Variants in TMEM132C observed in about 807,000 individuals in gnomAD.
TMEM132C encodes protein phosphatase 1, regulatory subunit 152.
Under a neutral mutation model 61.4 loss-of-function variants are expected in TMEM132C, and 29 were observed. The ratio of observed to expected loss-of-function variants is 0.47; its 90% confidence interval spans 0.35 to 0.64. The LOEUF (loss-of-function observed/expected upper bound fraction) is 0.64, where lower values mean the gene tolerates loss of function less well. Among genes scored for constraint, TMEM132C ranks in the 30% least tolerant of loss-of-function variants. TMEM132C has a pLI of 0.00. For synonymous variants in TMEM132C, 656 were observed against 633.1 expected (o/e 1.04, Z -0.54); for missense variants, 1,408 against 1,476.9 (o/e 0.95, Z 0.76).
chr12:128,705,998 TCTC>T lies in TMEM132C; in HGVS notation c.3033_3035del (p.Leu1013del). ...CGGGGGCCTGCGAGGAGAGCAACCA[TCTC>T]CTGCTCAATGGTGGCTCCCACAAGC... On this transcript the variant is annotated inframe_deletion, in exon 9 of 9. Transcript: ENST00000435159. 6.4e-7 allele frequency: 1 copy of T among 1,551,402 alleles called. No individual in the cohort carries two copies. Among genetic ancestry groups the T allele is most frequent in the African/African-American group, 1.4e-5 (1 of 73,046 alleles).
chr12:128,530,779 C>T (rs1873267622), intron 2 of TMEM132C, among the ~76,000 whole-genome samples: 1 of 152,150 alleles, frequency 6.6e-6, no homozygotes, highest in Non-Finnish European at 1.5e-5. Context: ...TTTCCTCATT[C>T]CATGTAAATG....
At chr12:128,389,039 GAGAGACAAAGACC>G (rs371359052) in intron 1 of TMEM132C, among the ~76,000 whole-genome samples, 3,062 of 152,280 alleles carry the variant, frequency 0.02, 87 homozygotes, top group African/African-American at 0.069. Flanking sequence ...GTCCCCCTGG[GAGAGACAAAGACC>G]AGAGACCCTG....
In TMEM132C at chr12:128,318,478, C is replaced by T. The variant is rs11059643; in HGVS notation, c.85+50991C>T. On this transcript the variant is annotated intron_variant, in intron 1 of 8. Coordinates refer to ENST00000435159, the MANE Select transcript of TMEM132C (RefSeq NM_001136103.3). Reference sequence around the variant, plus strand: ...ATTTGACTTGCTAAAGGCTTTTGCACGAGAACAACAGGGGTCATTATGTGT... The same window carrying T: ...ATTTGACTTGCTAAAGGCTTTTGCATGAGAACAACAGGGGTCATTATGTGT... 4.4e-3 allele frequency among the ~76,000 whole-genome samples: 673 copies of T among 152,236 alleles called. 5 individuals are homozygous for T. The highest frequency in any genetic ancestry group is 7.8e-3 in the Non-Finnish European group (529 of 68,014).
chr12:128,305,724 A>G (rs1021028703), intron 1 of TMEM132C, among the ~76,000 whole-genome samples: 2 of 152,142 alleles, frequency 1.3e-5, no homozygotes, highest in African/African-American at 2.4e-5. Flanking sequence ...CAAATCGCCT[A>G]TTTTAAGAAG....
chr12:128,586,370 A>G (rs184767691), intron 3 of TMEM132C, among the ~76,000 whole-genome samples: 11 of 150,604 alleles, frequency 7.3e-5, no homozygotes, highest in African/African-American at 2.2e-4. Context: ...GCATCTATTA[A>G]TATATTGTGT....
chr12:128,467,789 G>A lies in TMEM132C; in HGVS notation c.974+52169G>A, dbSNP rs1018716546. Among the ~76,000 whole-genome samples the A allele has an allele frequency of 8.5e-5, 13 of 152,154 alleles. No individual in the cohort carries two copies. The East Asian group carries it at 9.6e-4, about 11-fold the overall frequency. ...GCCCTCTGTTCTTCTCAGCATTCTC[G>A]TTCCCCATCTGCAAAACAGGCACAA... On this transcript the variant is annotated intron_variant, in intron 2 of 8. Transcript: ENST00000435159.
chr12:128,625,142 C>G lies in TMEM132C; in HGVS notation c.1305+8807C>G, dbSNP rs568139974. Among the ~76,000 whole-genome samples, 13 of 152,340 alleles carry G rather than the reference C, an allele frequency of 8.5e-5. No homozygotes were observed. In the South Asian group the frequency reaches 2.5e-3, roughly 29 times the overall value. On this transcript the variant is annotated intron_variant, in intron 4 of 8. Transcript: ENST00000435159. Reference sequence around the variant, plus strand: ...TCTGAACTTGAATGGGAAAGTTACACCTGCATTTCCACTTAACCTCTAACT... The same window carrying G: ...TCTGAACTTGAATGGGAAAGTTACAGCTGCATTTCCACTTAACCTCTAACT...
intron 4 of TMEM132C, among the ~76,000 whole-genome samples, chr12:128,655,913 C>A (rs550687976): frequency 1.3e-5 from 2 of 152,140 alleles, no homozygotes; most frequent in African/African-American, 4.8e-5. Flanking sequence ...TGAGAATAAC[C>A]GAAAACCTTC....
chr12:128,489,562 C>CAT (rs10654008), intron 2 of TMEM132C, among the ~76,000 whole-genome samples: 16,105 of 138,270 alleles, frequency 0.12, 1,160 homozygotes, highest in African/African-American at 0.21. Context: ...TTTATATGCT[C>CAT]ATATATATAT....
intron 3 of TMEM132C, among the ~76,000 whole-genome samples, chr12:128,561,903 A>G (rs1423042639): frequency 6.6e-6 from 1 of 152,100 alleles, no homozygotes; most frequent in Non-Finnish European, 1.5e-5. Flanking sequence ...ATGATTCAAG[A>G]TGGTGTGCTA....
Position 128,706,418 on chromosome 12 carries a change from T to C in TMEM132C, c.*123T>C, listed in dbSNP as rs1330958180. 5 of 1,274,566 alleles carry C rather than the reference T, an allele frequency of 3.9e-6. No individual in the cohort carries two copies. In the Admixed American group the frequency reaches 9.5e-5, roughly 24 times the overall value. 79.0% of individuals were successfully genotyped at this position (1,274,566 alleles called of 1,614,324 possible). On this transcript the variant is annotated 3_prime_UTR_variant, in exon 9 of 9. Transcript: ENST00000435159. ...GGTCCCAGGGTCCATGCTAGACCAGTTGGAAAGTTTTGAAGTCAGGAAAAG... is the reference window on the plus strand; with the variant it reads ...GGTCCCAGGGTCCATGCTAGACCAGCTGGAAAGTTTTGAAGTCAGGAAAAG...
chr12:128,502,652 A>T (rs1038446672), intron 2 of TMEM132C, among the ~76,000 whole-genome samples: 1 of 152,208 alleles, frequency 6.6e-6, no homozygotes, highest in African/African-American at 2.4e-5. Context: ...GGAGAGGAAG[A>T]TTCACATAAG....
chr12:128,430,423 A>G (rs1869345422), intron 2 of TMEM132C, among the ~76,000 whole-genome samples: 1 of 152,208 alleles, frequency 6.6e-6, no homozygotes, highest in Non-Finnish European at 1.5e-5. Context: ...TGATTTGCAA[A>G]CATAATGAGA....
chr12:128,373,877 T>C lies in TMEM132C; in HGVS notation c.86-40855T>C, dbSNP rs564264910. On this transcript the variant is annotated intron_variant, in intron 1 of 8. Transcript: ENST00000435159. Reference sequence around the variant, plus strand: ...GCAGGGGCAAGGCCAGAGATGGCCTTGCGTGCTGCACTTCAGCTTAGATTC... The same window carrying C: ...GCAGGGGCAAGGCCAGAGATGGCCTCGCGTGCTGCACTTCAGCTTAGATTC... 7.9e-5 allele frequency among the ~76,000 whole-genome samples: 12 copies of C among 152,324 alleles called. No individual in the cohort carries two copies. In the South Asian group the frequency reaches 2.5e-3, roughly 32 times the overall value.
chr12:128,543,930 C>G (rs1873851423), intron 2 of TMEM132C, 27 bp from the exon 3 acceptor site: 2 of 1,541,364 alleles, frequency 1.3e-6, no homozygotes, highest in East Asian at 5.0e-5. Context: ...CCCTGTCTCT[C>G]TCTCTCTCCC....
In TMEM132C at chr12:128,356,397, T is replaced by A. The variant is rs570322416; in HGVS notation, c.86-58335T>A. ...ACCTATTCTCTGTCTCCTAAAGAGT[T>A]GAATTTGCATCAATAAAACGCGTCG... On this transcript the variant is annotated intron_variant, in intron 1 of 8. Transcript: ENST00000435159. 8.5e-5 allele frequency among the ~76,000 whole-genome samples: 13 copies of A among 152,308 alleles called. No individual in the cohort carries two copies. The East Asian group carries it at 2.5e-3, about 29-fold the overall frequency.
intron 1 of TMEM132C, among the ~76,000 whole-genome samples, chr12:128,353,463 C>T (rs1873403918): frequency 6.6e-6 from 1 of 152,186 alleles, no homozygotes; most frequent in African/African-American, 2.4e-5. Flanking sequence ...CCTGGAAATG[C>T]AGTGGCAGCA....
At chr12:128,612,753 G>A (rs995246713) in intron 3 of TMEM132C, among the ~76,000 whole-genome samples, 4 of 152,170 alleles carry the variant, frequency 2.6e-5, no homozygotes, top group African/African-American at 9.7e-5. Flanking sequence ...CTTTCGGGAG[G>A]TCACCTCACT....
chr12:128,612,567 T>G (rs1210425499), intron 3 of TMEM132C, among the ~76,000 whole-genome samples: 1 of 152,164 alleles, frequency 6.6e-6, no homozygotes, highest in African/African-American at 2.4e-5. Flanking sequence ...CTGCAGAGGT[T>G]CAAAAGTGTC....
Sources: gnomAD v4.1 joint callset for allele counts (sites outside exome capture counted in the v4.1 genomes callset) on GRCh38, gnomAD v4.1.1 for gene constraint, MANE v1.5 for transcripts, NCBI Gene and HGNC (gene_info 2026-07-23, HGNC 2026-07-21) for gene names.